GSAP: variants seen among roughly 807,000 people sequenced by gnomAD.
The protein encoded by GSAP is gamma-secretase-activating protein.
A neutral mutation model predicts 131.7 loss-of-function variants in GSAP; 118 were observed. The ratio of observed to expected loss-of-function variants is 0.90; its 90% CI spans 0.77 to 1.04. GSAP has a LOEUF of 1.04. Ranked by LOEUF, GSAP falls within the 50% of genes least tolerant of loss-of-function variation. The pLI, the probability that GSAP is intolerant of heterozygous loss-of-function variation, is 0.00. For synonymous variants in GSAP, 381 were observed against 363.4 expected, an observed-to-expected ratio of 1.05 and a Z score of -0.55; for missense variants, 1,019 against 1,013.2, an observed-to-expected ratio of 1.01 and a Z score of -0.08.
chr7:77,403,231 TG>T (rs1801674034), intron 3 of GSAP, among the ~76,000 whole-genome samples: 1 of 152,214 alleles, frequency 6.6e-6, no homozygotes, highest in African/African-American at 2.4e-5. Context: ...GACTGTGTAT[TG>T]TGAGTTTATG....
At chr7:77,350,553 T>G in intron 18 of GSAP, among the ~76,000 whole-genome samples, 1 of 139,978 alleles carries the variant, frequency 7.1e-6, no homozygotes, top group Non-Finnish European at 1.5e-5. Flanking sequence ...CTGGCCAACA[T>G]GGTGAAACCC....
At chr7:77,387,985 T>G (rs1477133167) in intron 5 of GSAP, among the ~76,000 whole-genome samples, 1 of 152,248 alleles carries the variant, frequency 6.6e-6, no homozygotes, top group Admixed American at 6.5e-5. Context: ...TTCCCAATTA[T>G]CACAATTCTA....
intron 14 of GSAP, among the ~76,000 whole-genome samples, chr7:77,358,362 T>C (rs1273713683): frequency 1.3e-5 from 2 of 152,146 alleles, no homozygotes; most frequent in Non-Finnish European, 2.9e-5. Flanking sequence ...CAAAAAAGTT[T>C]GCTGGGAAGA....
intron 19 of GSAP, among the ~76,000 whole-genome samples, chr7:77,346,138 T>G (rs2150796308): frequency 6.6e-6 from 1 of 151,216 alleles, no homozygotes; most frequent in Non-Finnish European, 1.5e-5. Context: ...GGCATAGTGG[T>G]GCACACCTGT....
At chr7:77,413,361 A>G (rs1803646319) in intron 1 of GSAP, among the ~76,000 whole-genome samples, 1 of 152,226 alleles carries the variant, frequency 6.6e-6, no homozygotes, top group South Asian at 2.1e-4. Context: ...GAAGTTGGGT[A>G]GGGCAGCCCT....
intron 16 of GSAP, 167 bp from the exon 17 acceptor site, chr7:77,353,808 G>A (rs754365208): frequency 1.2e-5 from 6 of 493,656 alleles, no homozygotes; most frequent in Non-Finnish European, 2.1e-5. Flanking sequence ...TGCAATTCTG[G>A]GTAGGTAAAA....
At chr7:77,378,525 A>C (rs1463000263) in intron 8 of GSAP, among the ~76,000 whole-genome samples, 3 of 150,784 alleles carry the variant, frequency 2.0e-5, no homozygotes, top group Admixed American at 6.6e-5. Flanking sequence ...AACAACAAAA[A>C]AAAACAAAGG....
At chr7:77,353,150 A>G in intron 17 of GSAP, 124 bp from the exon 18 acceptor site, 1 of 636,836 alleles carries the variant, frequency 1.6e-6, no homozygotes, top group South Asian at 1.8e-5. Context: ...CTCATCCTCA[A>G]AACGGTAACC....
chr7:77,404,523 CAGTAA>C, intron 3 of GSAP, 31 bp downstream of exon 3: 3 of 1,051,516 alleles, frequency 2.9e-6, no homozygotes, highest in Non-Finnish European at 4.4e-6. Context: ...ACTCTAAAGG[CAGTAA>C]AGTAACCAAT....
At position 77,402,593 on chromosome 7, in the gene GSAP, CAAA is replaced by C. The variant is rs56739649; in HGVS notation, c.243+1963_243+1965del. 1.6e-3 allele frequency among the ~76,000 whole-genome samples: 39 copies of C among 24,770 alleles called. 1 individual carries two copies. Among genetic ancestry groups the C allele is most frequent in the South Asian group, 2.1e-3 (1 of 478 alleles). 16.3% of individuals were successfully genotyped at this position (24,770 alleles called of 152,430 possible). On this transcript the variant is annotated intron_variant, in intron 3 of 30. Transcript: ENST00000257626. Reference sequence around the variant, plus strand: ...CTGGCAATAGAGTGAGACTCTGTCTCAAAAAAAAAAAAAAAAAAAAAAAGAATT... The same window carrying C: ...CTGGCAATAGAGTGAGACTCTGTCTCAAAAAAAAAAAAAAAAAAAAGAATT...
intron 26 of GSAP, chr7:77,316,139 A>T (rs566283571): frequency 1.3e-5 from 2 of 152,318 alleles, no homozygotes; most frequent in African/African-American, 4.8e-5. Flanking sequence ...TGGAGTAATA[A>T]TTTGCTACAG....
intron 25 of GSAP, 36 bp downstream of exon 25, chr7:77,321,297 T>C (rs745966805): frequency 3.0e-6 from 4 of 1,333,252 alleles, no homozygotes; most frequent in Non-Finnish European, 4.3e-6. Flanking sequence ...TTCCACTCTT[T>C]GTACACCATG....
intron 19 of GSAP, chr7:77,330,758 T>G: frequency 1.0e-6 from 1 of 986,394 alleles, no homozygotes; most frequent in Non-Finnish European, 1.2e-6. Flanking sequence ...AGTGCCATGT[T>G]CACTAAGAGA....
At chr7:77,327,031 C>T (rs1287346331) in intron 22 of GSAP, 1 of 152,190 alleles carries the variant, frequency 6.6e-6, no homozygotes, top group African/African-American at 2.4e-5. Flanking sequence ...ATCTCTTGAC[C>T]CCCCGGGATA....
At chr7:77,400,996 G>A (rs534205251) in intron 3 of GSAP, among the ~76,000 whole-genome samples, 1 of 149,738 alleles carries the variant, frequency 6.7e-6, no homozygotes, top group East Asian at 2.0e-4. Context: ...TAGTGGAGAG[G>A]ACAGAACAAT....
At chr7:77,391,829 T>C (rs2151099762) in intron 5 of GSAP, among the ~76,000 whole-genome samples, 1 of 152,132 alleles carries the variant, frequency 6.6e-6, no homozygotes, top group Middle Eastern at 3.4e-3. Context: ...AGCAAGACCC[T>C]GTCTCAAAAA....
intron 3 of GSAP, among the ~76,000 whole-genome samples, chr7:77,402,535 C>CAGTG (rs1427703483): frequency 7.6e-6 from 1 of 131,532 alleles, no homozygotes; most frequent in Non-Finnish European, 1.6e-5. Context: ...GCGGAGGTTG[C>CAGTG]AGTGAGCTGA....
At chr7:77,321,866 C>T (rs189965053) in intron 24 of GSAP, among the ~76,000 whole-genome samples, 5 of 152,312 alleles carry the variant, frequency 3.3e-5, no homozygotes, top group South Asian at 4.1e-4. Flanking sequence ...TGTTACCCTA[C>T]ACAAGTTACC....
At chr7:77,334,580 TAAAAAAAAAA>T (rs57442782) in intron 19 of GSAP, among the ~76,000 whole-genome samples, 43 of 81,950 alleles carry the variant, frequency 5.2e-4, no homozygotes, top group Admixed American at 3.2e-3. Context: ...ACTTAAAATT[TAAAAAAAAAA>T]AAAAAAAAAA....
Sources: gnomAD v4.1 joint callset for allele counts (sites outside exome capture counted in the v4.1 genomes callset) on GRCh38, gnomAD v4.1.1 for gene constraint, MANE v1.5 for transcripts, NCBI Gene and HGNC (gene_info 2026-07-23, HGNC 2026-07-21) for gene names.